The following VPS50 variants were observed in gnomAD, a reference collection of about 807,000 sequenced individuals.
VPS50 encodes syndetin.
VPS50 carries 70 observed loss-of-function variants against 139.7 expected under a neutral mutation model. That is an observed-to-expected ratio of 0.50 (90% confidence interval 0.41 to 0.61). The LOEUF (loss-of-function observed/expected upper bound fraction) is 0.61, where lower values mean the gene tolerates loss of function less well. VPS50 is among the 20% of genes least tolerant of loss of function. The pLI, the probability that VPS50 is intolerant of heterozygous loss-of-function variation, is 0.00. For synonymous variants in VPS50, 365 were observed against 376.7 expected (o/e 0.97, Z 0.36); for missense variants, 921 against 1,133.7 (o/e 0.81, Z 2.69).
intron 21 of VPS50, among the ~76,000 whole-genome samples, chr7:93,332,248 G>A (rs1352007502): frequency 1.3e-5 from 2 of 152,196 alleles, no homozygotes; most frequent in African/African-American, 2.4e-5. Context: ...GCAGATGGTT[G>A]CTTTCTGCCT....
chr7:93,312,698 C>T (rs1194325627), intron 20 of VPS50, among the ~76,000 whole-genome samples: 1 of 151,818 alleles, frequency 6.6e-6, no homozygotes, highest in Non-Finnish European at 1.5e-5. Flanking sequence ...CTCTATCTTC[C>T]ATTTCTTCTA....
intron 1 of VPS50, among the ~76,000 whole-genome samples, chr7:93,238,592 T>A (rs1794888239): frequency 6.6e-6 from 1 of 152,184 alleles, no homozygotes; most frequent in Non-Finnish European, 1.5e-5. Flanking sequence ...TTGGAAGATG[T>A]CTTACTGAGG....
At chr7:93,239,759 A>G (rs1584374396) in intron 1 of VPS50, 107 bp from the exon 2 acceptor site, 1 of 629,382 alleles carries the variant, frequency 1.6e-6, no homozygotes, top group East Asian at 2.8e-5. Flanking sequence ...TTGAAGCAGG[A>G]AAATTTCTAT....
intron 23 of VPS50, among the ~76,000 whole-genome samples, chr7:93,347,244 A>G (rs1798423453): frequency 7.0e-6 from 1 of 143,016 alleles, no homozygotes; most frequent in South Asian, 2.3e-4. Context: ...ATCACTGGCC[A>G]TCAGAGAAAT....
chr7:93,279,593 C>T (rs186256671), intron 12 of VPS50, among the ~76,000 whole-genome samples: 7 of 152,000 alleles, frequency 4.6e-5, no homozygotes, highest in Non-Finnish European at 1.0e-4. Flanking sequence ...TAATAATTAT[C>T]GAAGATATAC....
intron 11 of VPS50, among the ~76,000 whole-genome samples, chr7:93,274,649 T>C (rs1304450451): frequency 6.6e-6 from 1 of 152,194 alleles, no homozygotes; most frequent in Admixed American, 6.6e-5. Context: ...TCATGCCTGA[T>C]AACAGTCATT....
At chr7:93,354,344 A>AGT (rs1436415924) in intron 26 of VPS50, among the ~76,000 whole-genome samples, 2 of 145,256 alleles carry the variant, frequency 1.4e-5, no homozygotes, top group Admixed American at 7.1e-5. Flanking sequence ...CCCAGGCTGG[A>AGT]GTGCAGTGGT....
chr7:93,269,879 G>A (rs1454901852), intron 9 of VPS50, among the ~76,000 whole-genome samples: 3 of 151,996 alleles, frequency 2.0e-5, no homozygotes, highest in Admixed American at 6.6e-5. Context: ...AAGTACTATG[G>A]CCCTCCCTAT....
chr7:93,251,027 C>G (rs1795309454), intron 2 of VPS50, among the ~76,000 whole-genome samples: 1 of 152,144 alleles, frequency 6.6e-6, no homozygotes, highest in African/African-American at 2.4e-5. Context: ...AGTCAGGAAA[C>G]AACAGATGCT....
chr7:93,323,679 C>A lies in VPS50; in HGVS notation c.1924C>A (p.Leu642Ile). The A allele has an allele frequency of 1.4e-6, 2 of 1,399,644 alleles. No individual in the cohort carries two copies. The highest frequency in any genetic ancestry group is 1.9e-6 in the Non-Finnish European group (2 of 1,031,644). 86.7% of individuals were successfully genotyped at this position (1,399,644 alleles called of 1,614,324 possible). Residue 642 changes from leucine to isoleucine, a missense_variant, in exon 21 of 28, where the codon CTA becomes ATA. Transcript: ENST00000305866. ...AFDVIHFMSQ[L>I]FDYYLYAIYT... ...TGATGTTATTCATTTCATGTCTCAA[C>A]TATTTGATTATTACTTGTATGCAAT...
At chr7:93,303,180 C>T (rs558664559) in intron 16 of VPS50, among the ~76,000 whole-genome samples, 18 of 151,812 alleles carry the variant, frequency 1.2e-4, no homozygotes, top group African/African-American at 4.3e-4. Flanking sequence ...TAATTTAGTC[C>T]TCTAATAAAA....
intron 2 of VPS50, among the ~76,000 whole-genome samples, chr7:93,243,578 T>C (rs1227398524): frequency 6.6e-6 from 1 of 152,056 alleles, no homozygotes; most frequent in Non-Finnish European, 1.5e-5. Context: ...GATTCTGTTA[T>C]GTTTCAAATT....
In VPS50 at chr7:93,353,682, A is replaced by G. The variant is rs867236376; in HGVS notation, c.2506A>G (p.Arg836Gly). The change falls in exon 26 of 28, where the codon AGA (arginine) becomes GGA (glycine). Residue 836 changes from arginine (R) to glycine (G), a missense_variant. Arg to Gly is a moderately radical substitution (Grantham distance 125). Coordinates refer to ENST00000305866, the MANE Select transcript of VPS50 (RefSeq NM_017667.4). ...FNRRLNEVSK[R>G]VRIPLPVSNI... is the part of the protein sequence containing the mutation. ...CAGGAGGCTAAATGAAGTTTCTAAG[A>G]GAGTTCGCATACCCTTGCCTGTGTC... The G allele has an allele frequency of 1.2e-6, 2 of 1,613,154 alleles. No homozygotes were observed. The highest frequency in any genetic ancestry group is 1.3e-5 in the African/African-American group (1 of 74,912).
intron 12 of VPS50, among the ~76,000 whole-genome samples, chr7:93,283,406 T>G (rs1319743061): frequency 6.6e-6 from 1 of 152,026 alleles, no homozygotes; most frequent in African/African-American, 2.4e-5. Context: ...CGGCTAATTT[T>G]TGTATTTTGA....
At chr7:93,344,944 C>G (rs1584491016) in intron 23 of VPS50, among the ~76,000 whole-genome samples, 1 of 152,038 alleles carries the variant, frequency 6.6e-6, no homozygotes, top group East Asian at 1.9e-4. Context: ...CAAACACATT[C>G]AAAAGCTAGC....
intron 20 of VPS50, chr7:93,323,170 A>T (rs542326624): frequency 5.3e-5 from 8 of 152,262 alleles, no homozygotes; most frequent in African/African-American, 1.9e-4. Context: ...TATGAAAAAT[A>T]AATATTTTCT....
Position 93,276,147 on chromosome 7 carries a change from G to A in VPS50, c.802-18G>A, listed in dbSNP as rs369726424. On this transcript the variant is annotated intron_variant, in intron 11 of 27. Transcript: ENST00000305866. ...TTAATAATGTGAAATTATGTTGTGC[G>A]TTTTTTTCTTTCCACAGACAGCAAT... 1.6e-4 allele frequency: 240 copies of A among 1,539,404 alleles called. 4 individuals are homozygous for A. In the South Asian group the frequency reaches 2.4e-3, roughly 16 times the overall value.
chr7:93,355,119 TAA>T (rs202160213), intron 26 of VPS50, among the ~76,000 whole-genome samples: 20,734 of 137,942 alleles, frequency 0.15, 1,536 homozygotes, highest in South Asian at 0.21. Flanking sequence ...TACTCTTTTT[TAA>T]AAAAAAAAAA....
At chr7:93,272,572 C>T (rs1796041099) in intron 10 of VPS50, 63 bp from the exon 11 acceptor site, 2 of 648,484 alleles carry the variant, frequency 3.1e-6, no homozygotes, top group African/African-American at 1.9e-5. Context: ...TTAATGTTTT[C>T]TTCTCATTGC....
Sources: allele counts gnomAD v4.1 joint callset (sites outside exome capture counted in the v4.1 genomes callset), GRCh38; gene constraint gnomAD v4.1.1; transcripts MANE v1.5; gene names NCBI Gene and HGNC (gene_info 2026-07-23, HGNC 2026-07-21).